KMT2E: variants seen among roughly 807,000 people sequenced by gnomAD.
The protein encoded by KMT2E is lysine methyltransferase 2E (inactive).
Under a neutral mutation model 184.6 loss-of-function variants are expected in KMT2E, and 30 were observed. The ratio of observed to expected loss-of-function variants is 0.16; its 90% CI spans 0.12 to 0.22. The LOEUF (loss-of-function observed/expected upper bound fraction) is 0.22, where lower values mean the gene tolerates loss of function less well. KMT2E is among the 10% of genes least tolerant of loss of function. KMT2E has a pLI of 1.00. For synonymous variants in KMT2E, 815 were observed against 776.5 expected (o/e 1.05, Z -0.82); for missense variants, 2,023 against 2,237.4 (o/e 0.90, Z 1.93).
intron 5 of KMT2E, chr7:105,063,977 G>T (rs1279736856): frequency 1.3e-5 from 6 of 451,790 alleles, no homozygotes; most frequent in Non-Finnish European, 2.7e-5. Context: ...CATTTTCATT[G>T]ATGTTTGTTT....
intron 13 of KMT2E, among the ~76,000 whole-genome samples, chr7:105,087,704 G>A (rs923199496): frequency 2.0e-5 from 3 of 151,870 alleles, no homozygotes; most frequent in African/African-American, 2.4e-5. Context: ...GATTACAAGC[G>A]TGAATTACCA....
At position 105,112,589 on chromosome 7, in the gene KMT2E, C is replaced by T. The variant is rs1243172763; in HGVS notation, c.4833C>T (p.Pro1611=). ...GHHVTPGHFL[P]SQNPTIHHQT... ...ACGTGACTCCAGGGCATTTTTTGCC[C>T]TCTCAGAACCCTACCATTCACCATC... The change falls in exon 27 of 27, where the codon CCC becomes CCT. Residue 1611 remains proline, a synonymous_variant. Coordinates refer to ENST00000311117, the MANE Select transcript of KMT2E (RefSeq NM_182931.3). 4 of 1,613,964 alleles carry T rather than the reference C, an allele frequency of 2.5e-6. No homozygotes were observed. In the East Asian group the frequency reaches 6.7e-5, roughly 27 times the overall value.
At chr7:105,036,151 G>T (rs185747052) in intron 1 of KMT2E, among the ~76,000 whole-genome samples, 16 of 144,204 alleles carry the variant, frequency 1.1e-4, no homozygotes, top group East Asian at 4.1e-4. Context: ...AGGGTTTTTT[G>T]TTGTTGTTGT....
chr7:105,113,481 T>TTTTTAAAATTCCTTTAAAAAATGTGCTG lies in KMT2E; in HGVS notation c.*151_*178dup. The TTTTTAAAATTCCTTTAAAAAATGTGCTG allele has an allele frequency of 1.1e-6, 1 of 922,720 alleles. No homozygotes were observed. Among genetic ancestry groups the TTTTTAAAATTCCTTTAAAAAATGTGCTG allele is most frequent in the Non-Finnish European group, 1.5e-6 (1 of 649,792 alleles). The allele number at this position is 922,720 out of a possible 1,614,324, so 57.2% of individuals were successfully genotyped here. On this transcript the variant is annotated 3_prime_UTR_variant, in exon 27 of 27. Coordinates refer to ENST00000311117, the MANE Select transcript of KMT2E (RefSeq NM_182931.3). ...TTCGTTGTATTTTTCTCATTTTTGC[T>TTTTTAAAATTCCTTTAAAAAATGTGCTG]TTTTAAAATTCCTTTAAAAAATGTG...
intron 1 of KMT2E, among the ~76,000 whole-genome samples, chr7:105,019,091 TG>T (rs1584682065): frequency 2.6e-5 from 4 of 152,256 alleles, no homozygotes; most frequent in South Asian, 4.1e-4. Flanking sequence ...GCAAACAAAT[TG>T]TTTTTTTGTT....
At chr7:105,082,212 G>A (rs1329836285) in intron 13 of KMT2E, among the ~76,000 whole-genome samples, 1 of 152,132 alleles carries the variant, frequency 6.6e-6, no homozygotes, top group Non-Finnish European at 1.5e-5. Context: ...AAAAGGGTTT[G>A]TTGGAGATCC....
intron 15 of KMT2E, among the ~76,000 whole-genome samples, chr7:105,098,000 T>A (rs1214527922): frequency 6.6e-6 from 1 of 152,100 alleles, no homozygotes; most frequent in East Asian, 1.9e-4. Context: ...TGAGTATAAA[T>A]TCCATCATCA....
chr7:105,034,531 C>A (rs546569745), intron 1 of KMT2E, among the ~76,000 whole-genome samples: 1 of 152,062 alleles, frequency 6.6e-6, no homozygotes, highest in South Asian at 2.1e-4. Flanking sequence ...CACACCTGGC[C>A]AAGACCAGAA....
intron 3 of KMT2E, among the ~76,000 whole-genome samples, chr7:105,045,018 C>T (rs1001154585): frequency 2.6e-5 from 4 of 152,196 alleles, no homozygotes; most frequent in Non-Finnish European, 4.4e-5. Context: ...TGGATTAAGT[C>T]TTGACCCTTT....
At chr7:105,084,629 G>GA (rs35599947) in intron 13 of KMT2E, among the ~76,000 whole-genome samples, 43,327 of 143,808 alleles carry the variant, frequency 0.3, 6,819 homozygotes, top group Non-Finnish European at 0.37. Context: ...TCTGTCTCAA[G>GA]AAAAAAAAAA....
chr7:105,027,897 T>G (rs1409839316), intron 1 of KMT2E, among the ~76,000 whole-genome samples: 1 of 152,106 alleles, frequency 6.6e-6, no homozygotes, highest in Non-Finnish European at 1.5e-5. Flanking sequence ...CTTAAGATTT[T>G]TATAGTAAAT....
At chr7:105,024,368 G>C (rs181247575) in intron 1 of KMT2E, among the ~76,000 whole-genome samples, 2 of 152,118 alleles carry the variant, frequency 1.3e-5, no homozygotes, top group African/African-American at 4.8e-5. Context: ...ATGGCGGAAG[G>C]TACAAAAACA....
chr7:105,055,538 G>A, intron 3 of KMT2E, among the ~76,000 whole-genome samples: 1 of 152,116 alleles, frequency 6.6e-6, no homozygotes, highest in Admixed American at 6.6e-5. Context: ...AAAATTGAAG[G>A]TGTTTATTAA....
At chr7:105,022,472 A>G (rs1562873692) in intron 1 of KMT2E, among the ~76,000 whole-genome samples, 1 of 151,356 alleles carries the variant, frequency 6.6e-6, no homozygotes, top group East Asian at 1.9e-4. Flanking sequence ...TATCGTCTGG[A>G]GGCATATGAT....
intron 20 of KMT2E, 46 bp downstream of exon 20, chr7:105,106,818 T>C: frequency 6.3e-7 from 1 of 1,580,880 alleles, no homozygotes; most frequent in Non-Finnish European, 8.6e-7. Flanking sequence ...CTTGGGGGGA[T>C]GGAATTTCTT....
intron 5 of KMT2E, among the ~76,000 whole-genome samples, chr7:105,064,347 C>T (rs900653451): frequency 2.0e-5 from 3 of 151,626 alleles, no homozygotes; most frequent in African/African-American, 7.3e-5. Flanking sequence ...ACAGAATTTC[C>T]TGGGTCTGGT....
At chr7:105,036,693 C>T (rs1795674802) in intron 1 of KMT2E, among the ~76,000 whole-genome samples, 1 of 152,194 alleles carries the variant, frequency 6.6e-6, no homozygotes, top group African/African-American at 2.4e-5. Context: ...ATTATAACCA[C>T]TAGTTGGGGA....
chr7:105,033,840 A>G (rs1795525103), intron 1 of KMT2E, among the ~76,000 whole-genome samples: 2 of 152,146 alleles, frequency 1.3e-5, no homozygotes, highest in African/African-American at 4.8e-5. Flanking sequence ...TGGGAAGTTC[A>G]AGAAGCATGG....
intron 1 of KMT2E, among the ~76,000 whole-genome samples, chr7:105,032,073 CAAAAAAAA>C (rs869308527): frequency 3.9e-5 from 3 of 77,278 alleles, no homozygotes; most frequent in African/African-American, 1.5e-4. Flanking sequence ...ACTCTTATCA[CAAAAAAAA>C]AAAAAAAAAA....
Sources: gnomAD v4.1 joint callset for allele counts (sites outside exome capture counted in the v4.1 genomes callset) on GRCh38, gnomAD v4.1.1 for gene constraint, MANE v1.5 for transcripts, NCBI Gene and HGNC (gene_info 2026-07-23, HGNC 2026-07-21) for gene names.